SNRNP35: variants seen among roughly 807,000 people sequenced by gnomAD.
SNRNP35 encodes small nuclear ribonucleoprotein U11/U12 subunit 35.
SNRNP35 carries 16 observed loss-of-function variants against 24.3 expected under a neutral mutation model. That is an observed-to-expected ratio of 0.66 (90% confidence interval 0.45 to 1.00). The LOEUF is 1.00. SNRNP35 is among the 50% of genes least tolerant of loss of function. The pLI is 0.00. For missense variants in SNRNP35, 292 were observed against 327.2 expected (o/e 0.89, Z 0.83); for synonymous variants, 106 against 124.8 (o/e 0.85, Z 1.00).
chr12:123,469,046 C>G (rs952381426), downstream of SNRNP35, among the ~76,000 whole-genome samples: 4 of 152,110 alleles, frequency 2.6e-5, no homozygotes, highest in Non-Finnish European at 4.4e-5. Flanking sequence ...TGGTGTCTAC[C>G]CATAGATGAC....
At position 123,466,360 on chromosome 12, in the gene SNRNP35, C is replaced by T. The variant is rs1880986546; in HGVS notation, c.*79C>T. 2 of 1,378,846 alleles carry T rather than the reference C, an allele frequency of 1.5e-6. No individual in the cohort carries two copies. The highest frequency in any genetic ancestry group is 3.3e-5 in the South Asian group (2 of 61,018). The allele number at this position is 1,378,846 out of a possible 1,614,324, so 85.4% of individuals were successfully genotyped here. The stretch of plus-strand genomic sequence containing the variant: ...GATTGTCTTTCAACGCAGCGTGAGT[C>T]TAATGGTTGAATAAAACTTACTGAT... On this transcript the variant is annotated 3_prime_UTR_variant, in exon 2 of 2. Coordinates refer to ENST00000526639, the MANE Select transcript of SNRNP35 (RefSeq NM_022717.4).
At chr12:123,469,865 G>T (rs184793978), downstream of SNRNP35, among the ~76,000 whole-genome samples, 1,280 of 118,588 alleles carry the variant, frequency 0.011, 13 homozygotes, top group Non-Finnish European at 0.019. Flanking sequence ...ATATTATGCT[G>T]CCATTTAAAT....
At chr12:123,461,721 GA>G (rs1412993020) in intron 1 of SNRNP35, among the ~76,000 whole-genome samples, 2 of 149,274 alleles carry the variant, frequency 1.3e-5, no homozygotes, top group Non-Finnish European at 3.0e-5. Context: ...AAAGTTCTAT[GA>G]TTTTTTTTTT....
In SNRNP35 at chr12:123,465,479, G is replaced by A; in HGVS notation, c.-3-59G>A. On this transcript the variant is annotated intron_variant, in intron 1 of 1. Coordinates refer to ENST00000526639, the MANE Select transcript of SNRNP35 (RefSeq NM_022717.4). The surrounding 1 kb of genome is among the most constrained non-coding windows in gnomAD (Gnocchi z 4.2). Reference sequence around the variant, plus strand: ...TATCCTTTTCATGGCATTGTTGTAAGGGTTGAATGAGTGGCTCAGAGTAGA... The same window carrying A: ...TATCCTTTTCATGGCATTGTTGTAAAGGTTGAATGAGTGGCTCAGAGTAGA... The A allele has an allele frequency of 6.7e-7, 1 of 1,500,288 alleles. No homozygotes were observed. Among genetic ancestry groups the A allele is most frequent in the Non-Finnish European group, 8.9e-7 (1 of 1,122,766 alleles). The allele number at this position is 1,500,288 out of a possible 1,614,324, so 92.9% of individuals were successfully genotyped here. A position where few individuals can be genotyped will look rare whatever the true frequency, so the allele number is the denominator to read the frequency against.
chr12:123,465,625 C>G lies in SNRNP35; in HGVS notation c.85C>G (p.Arg29Gly). 1 of 1,612,484 alleles carries G rather than the reference C, an allele frequency of 6.2e-7. No individual in the cohort carries two copies. Among genetic ancestry groups the G allele is most frequent in the Non-Finnish European group, 8.5e-7 (1 of 1,179,256 alleles). Residue 29 changes from arginine to glycine, a missense_variant, in exon 2 of 2, where the codon CGC (arginine) becomes GGC (glycine). Coordinates refer to ENST00000526639, the MANE Select transcript of SNRNP35 (RefSeq NM_022717.4). This position sits in a 1 kb window ranked among gnomAD's most constrained non-coding sequence, Gnocchi z 4.2. ...IDGTDEDPHD[R>G]AVWRAMLARY... ...TGGCACCGATGAAGACCCACACGACCGCGCGGTCTGGAGGGCAATGCTGGC... is the reference window on the plus strand; with the variant it reads ...TGGCACCGATGAAGACCCACACGACGGCGCGGTCTGGAGGGCAATGCTGGC...
Position 123,465,814 on chromosome 12 carries a change from A to G in SNRNP35, c.274A>G (p.Lys92Glu). The change falls in exon 2 of 2, where the codon AAG (lysine) becomes GAG (glutamate). Residue 92 changes from lysine (K) to glutamate (E), a missense_variant. Transcript: ENST00000526639. The surrounding 1 kb of genome is among the most constrained non-coding windows in gnomAD (Gnocchi z 4.2). ...CAGGGACTTGGTCACAGGTTTTTCAAAGGGCTACGCCTTCATCGAATACAA... is the reference window on the plus strand; with the variant it reads ...CAGGGACTTGGTCACAGGTTTTTCAGAGGGCTACGCCTTCATCGAATACAA... ...LVRDLVTGFS[K>E]GYAFIEYKEE... 6.2e-7 allele frequency: 1 copy of G among 1,614,112 alleles called. No individual in the cohort carries two copies. Among genetic ancestry groups the G allele is most frequent in the Non-Finnish European group, 8.5e-7 (1 of 1,180,030 alleles).
In SNRNP35 at chr12:123,463,882, A is replaced by G. The variant is rs372692113; in HGVS notation, c.-3-1656A>G. On this transcript the variant is annotated intron_variant, in intron 1 of 1. Coordinates refer to ENST00000526639, the MANE Select transcript of SNRNP35 (RefSeq NM_022717.4). Reference sequence around the variant, plus strand: ...GGGTTCAAGCCACTCTCCTGCCTCAACCTCCTGAGTAGCTGGGATTAAGGC... The same window carrying G: ...GGGTTCAAGCCACTCTCCTGCCTCAGCCTCCTGAGTAGCTGGGATTAAGGC... Among the ~76,000 whole-genome samples the G allele has an allele frequency of 6.4e-4, 88 of 137,734 alleles. 1 individual carries two copies. The Middle Eastern group carries it at 0.013, about 20-fold the overall frequency. 90.4% of individuals were successfully genotyped at this position (137,734 alleles called of 152,430 possible).
In SNRNP35 at chr12:123,466,073, A is replaced by AGGGAAAAC; in HGVS notation, c.540_547dup (p.Arg183AsnfsTer93). 6.2e-7 allele frequency: 1 copy of AGGGAAAAC among 1,613,760 alleles called. No homozygotes were observed. Among genetic ancestry groups the AGGGAAAAC allele is most frequent in the Non-Finnish European group, 8.5e-7 (1 of 1,179,922 alleles). On this transcript the variant is annotated frameshift_variant, in exon 2 of 2. Coordinates refer to ENST00000526639, the MANE Select transcript of SNRNP35 (RefSeq NM_022717.4). LOFTEE classifies it high-confidence loss of function. ...GTTGTTAAAAACGACCTCTATAGAG[A>AGGGAAAAC]GGGAAAACGGGAAAGGCGGGAGCGA...
At chr12:123,461,362 G>A (rs1450964376) in intron 1 of SNRNP35, among the ~76,000 whole-genome samples, 1 of 147,544 alleles carries the variant, frequency 6.8e-6, no homozygotes, top group Non-Finnish European at 1.5e-5. Context: ...TCCTGACCTC[G>A]TGATCTGCCC....
In SNRNP35 at chr12:123,465,481, G is replaced by A. The variant is rs1566104857; in HGVS notation, c.-3-57G>A. On this transcript the variant is annotated intron_variant, in intron 1 of 1. Coordinates refer to ENST00000526639, the MANE Select transcript of SNRNP35 (RefSeq NM_022717.4). The surrounding 1 kb of genome is among the most constrained non-coding windows in gnomAD (Gnocchi z 4.2). ...TCCTTTTCATGGCATTGTTGTAAGG[G>A]TTGAATGAGTGGCTCAGAGTAGAGG... 1.0e-5 allele frequency: 15 copies of A among 1,505,204 alleles called. No homozygotes were observed. The South Asian group carries it at 1.8e-4, about 18-fold the overall frequency. 93.2% of individuals were successfully genotyped at this position (1,505,204 alleles called of 1,614,324 possible).
Position 123,465,825 on chromosome 12 carries a change from C to G in SNRNP35, c.285C>G (p.Ala95=). The G allele has an allele frequency of 6.2e-7, 1 of 1,614,122 alleles. No homozygotes were observed. Among genetic ancestry groups the G allele is most frequent in the Non-Finnish European group, 8.5e-7 (1 of 1,180,038 alleles). The change falls in exon 2 of 2, where the codon GCC becomes GCG. Residue 95 remains alanine, a synonymous_variant. Transcript: ENST00000526639. The surrounding 1 kb of genome is among the most constrained non-coding windows in gnomAD (Gnocchi z 4.2). ...TCACAGGTTTTTCAAAGGGCTACGC[C>G]TTCATCGAATACAAGGAGGAGCGTG... ...DLVTGFSKGY[A]FIEYKEERAV... is the part of the protein sequence containing the mutation.
At position 123,465,516 on chromosome 12, in the gene SNRNP35, C is replaced by T. The variant is rs116117707; in HGVS notation, c.-3-22C>T. ...TGGCTCAGAGTAGAGGCTCCATCCA[C>T]GCTTGCTCTTATCATTCATAGAACA... On this transcript the variant is annotated intron_variant, in intron 1 of 1. Coordinates refer to ENST00000526639, the MANE Select transcript of SNRNP35 (RefSeq NM_022717.4). The surrounding 1 kb of genome is among the most constrained non-coding windows in gnomAD (Gnocchi z 4.2). The T allele has an allele frequency of 1.5e-3, 2,337 of 1,528,710 alleles. 27 individuals carry two copies. In the African/African-American group the frequency reaches 0.028, roughly 18 times the overall value. The allele number at this position is 1,528,710 out of a possible 1,614,324, so 94.7% of individuals were successfully genotyped here. A position where few individuals can be genotyped will look rare whatever the true frequency, so the allele number is the denominator to read the frequency against.
intron 1 of SNRNP35, chr12:123,464,774 G>A (rs1880850725): frequency 6.6e-6 from 1 of 152,182 alleles, no homozygotes; most frequent in African/African-American, 2.4e-5. Flanking sequence ...TATCAGCTAG[G>A]GATCTGAGAA....
chr12:123,464,886 C>G (rs1312597615), intron 1 of SNRNP35: 1 of 152,184 alleles, frequency 6.6e-6, no homozygotes, highest in Non-Finnish European at 1.5e-5. Flanking sequence ...GCATCCAAAT[C>G]CCTGTTTTCT....
chr12:123,464,840 A>G lies in SNRNP35; in HGVS notation c.-3-698A>G, dbSNP rs940456414. The G allele has an allele frequency of 3.3e-5, 5 of 152,188 alleles. No individual in the cohort carries two copies. The East Asian group carries it at 9.6e-4, about 29-fold the overall frequency. 9.4% of individuals were successfully genotyped at this position (152,188 alleles called of 1,614,324 possible). A position where few individuals can be genotyped will look rare whatever the true frequency, so the allele number is the denominator to read the frequency against. ...CCCGCTCCCGCTGCTGGGTCACTGT[A>G]GCCTTAGCTTTGTTGTCTGTTTACT... On this transcript the variant is annotated intron_variant, in intron 1 of 1. Transcript: ENST00000526639.
chr12:123,458,233 T>G lies in SNRNP35; in HGVS notation c.-4+17T>G. 4.1e-6 allele frequency: 4 copies of G among 985,382 alleles called. No individual in the cohort carries two copies. The highest frequency in any genetic ancestry group is 4.8e-6 in the Non-Finnish European group (4 of 829,966). 61.0% of individuals were successfully genotyped at this position (985,382 alleles called of 1,614,324 possible). On this transcript the variant is annotated intron_variant, in intron 1 of 1. Transcript: ENST00000526639. The stretch of plus-strand genomic sequence containing the variant: ...TTTGCAGAGGTGAGTGGAAGCGGCT[T>G]GGAAGGAGCGGGCCCCACGCCGGAG...
chr12:123,466,022 C>G lies in SNRNP35; in HGVS notation c.482C>G (p.Pro161Arg). The G allele has an allele frequency of 1.9e-6, 3 of 1,614,072 alleles. No individual in the cohort carries two copies. Among genetic ancestry groups the G allele is most frequent in the Non-Finnish European group, 2.5e-6 (3 of 1,180,020 alleles). Residue 161 changes from proline (P) to arginine (R), a missense_variant, in exon 2 of 2, where the codon CCT (proline) becomes CGT (arginine). Coordinates refer to ENST00000526639, the MANE Select transcript of SNRNP35 (RefSeq NM_022717.4). The stretch of plus-strand genomic sequence containing the variant: ...CTGAGATTTGGGGGACGGGACCGGC[C>G]TTTTCGAAAACCTATTAACTTGCCA... The part of the protein sequence containing the change: ...GQLRFGGRDR[P>R]FRKPINLPVV...
chr12:123,466,330 A>G lies in SNRNP35; in HGVS notation c.*49A>G. 6.7e-7 allele frequency: 1 copy of G among 1,494,572 alleles called. No homozygotes were observed. Among genetic ancestry groups the G allele is most frequent in the Non-Finnish European group, 8.9e-7 (1 of 1,121,166 alleles). 92.6% of individuals were successfully genotyped at this position (1,494,572 alleles called of 1,614,324 possible). On this transcript the variant is annotated 3_prime_UTR_variant, in exon 2 of 2. Coordinates refer to ENST00000526639, the MANE Select transcript of SNRNP35 (RefSeq NM_022717.4). ...GTGAAGTTACAGTGGAAATGAGTGG[A>G]GGGGGATTGTCTTTCAACGCAGCGT...
At chr12:123,458,624 C>G (rs1379958630) in intron 1 of SNRNP35, among the ~76,000 whole-genome samples, 2 of 139,696 alleles carry the variant, frequency 1.4e-5, no homozygotes, top group African/African-American at 2.8e-5. Context: ...TTGAGACAGT[C>G]TTGCTCTGTC....
Sources: gnomAD v4.1 joint callset for allele counts (sites outside exome capture counted in the v4.1 genomes callset) on GRCh38, gnomAD v4.1.1 for gene constraint, Gnocchi (gnomAD v3.1) non-coding constraint, MANE v1.5 for transcripts, NCBI Gene and HGNC (gene_info 2026-07-23, HGNC 2026-07-21) for gene names.